Variants in DOCK2 observed in about 807,000 individuals in gnomAD.
DOCK2 encodes dedicator of cytokinesis 2, also known as dedicator of cytokinesis protein 2.
A neutral mutation model predicts 248.9 loss-of-function variants in DOCK2; 87 were observed. The ratio of observed to expected loss-of-function variants is 0.35; its 90% CI spans 0.29 to 0.42. The LOEUF (loss-of-function observed/expected upper bound fraction) is 0.42. Ranked by LOEUF, DOCK2 falls within the 10% of genes least tolerant of loss-of-function variation. The probability of loss-of-function intolerance (pLI) is 1.00; values close to 1 mark genes in which losing one functional copy is unlikely to be tolerated. For synonymous variants in DOCK2, 805 were observed against 821.6 expected, an observed-to-expected ratio of 0.98 and a Z score of 0.35; for missense variants, 1,747 against 2,300.2, an observed-to-expected ratio of 0.76 and a Z score of 4.92.
chr5:169,958,585 C>CTTT (rs3079788), intron 27 of DOCK2, among the ~76,000 whole-genome samples: 351 of 151,074 alleles, frequency 2.3e-3, no homozygotes, highest in African/African-American at 6.6e-3. Context: ...TCCTGGGTTT[C>CTTT]TTTTTTTTTG....
rs1346725866 is a variant in DOCK2 at position 170,083,242 on chromosome 5, T to G, written c.*384T>G. 1 of 169,412 alleles carries G rather than the reference T, an allele frequency of 5.9e-6. No individual in the cohort carries two copies. The allele number at this position is 169,412 out of a possible 1,614,324, so 10.5% of individuals were successfully genotyped here. A position where few individuals can be genotyped will look rare whatever the true frequency, so the allele number is the denominator to read the frequency against. On this transcript the variant is annotated 3_prime_UTR_variant, in exon 52 of 52. Transcript: ENST00000520908. ...AACAGAAAAGGAAGCCTTTTAAATA[T>G]TCTTTTTAATTTTATTTTAGATTAA...
chr5:169,977,561 G>A (rs183781559), intron 27 of DOCK2, among the ~76,000 whole-genome samples: 2 of 152,178 alleles, frequency 1.3e-5, no homozygotes, highest in African/African-American at 4.8e-5. Flanking sequence ...ACAAGACCCT[G>A]CTCGAGGTCA....
In DOCK2 at chr5:169,648,864, C is replaced by T. The variant is rs763429721; in HGVS notation, c.44-5539C>T. On this transcript the variant is annotated intron_variant, in intron 1 of 51. Transcript: ENST00000520908. ...TCTCCTGGTGGGTGGAGGAACACCT[C>T]CTCCTTCTAGGTTCCCTCTGGCTGT... Among the ~76,000 whole-genome samples, 255 of 152,288 alleles carry T rather than the reference C, an allele frequency of 1.7e-3. 2 individuals are homozygous for T. Among genetic ancestry groups the T allele is most frequent in the Non-Finnish European group, 3.1e-3 (213 of 68,026 alleles).
intron 9 of DOCK2, among the ~76,000 whole-genome samples, chr5:169,693,353 T>G (rs1033830042): frequency 1.3e-5 from 2 of 152,148 alleles, no homozygotes; most frequent in Non-Finnish European, 2.9e-5. Context: ...CCTACTTATA[T>G]TCAGAGAGTC....
chr5:169,876,545 G>T (rs1772345759), intron 27 of DOCK2, among the ~76,000 whole-genome samples: 1 of 152,166 alleles, frequency 6.6e-6, no homozygotes, highest in African/African-American at 2.4e-5. Flanking sequence ...ATGTCTGATG[G>T]CCTGGAAGAA....
chr5:169,917,782 C>G (rs1385749884), intron 27 of DOCK2, among the ~76,000 whole-genome samples: 1 of 152,154 alleles, frequency 6.6e-6, no homozygotes, highest in South Asian at 2.1e-4. Context: ...CCCTACCACA[C>G]AGAAAATGAT....
At position 169,660,973 on chromosome 5, in the gene DOCK2, CAA is replaced by C. The variant is rs67420015; in HGVS notation, c.127+6496_127+6497del. Among the ~76,000 whole-genome samples, 655 of 147,580 alleles carry C rather than the reference CAA, an allele frequency of 4.4e-3. 6 individuals are homozygous for C. The highest frequency in any genetic ancestry group is 0.014 in the African/African-American group (569 of 40,110). ...GAAATATGTTGAAATGACTTTAGTG[CAA>C]AAAAAAAATGATATTATAAATCCAT... On this transcript the variant is annotated intron_variant, in intron 2 of 51. Coordinates refer to ENST00000520908, the MANE Select transcript of DOCK2 (RefSeq NM_004946.3).
chr5:169,706,155 C>T (rs1761252128), intron 14 of DOCK2, among the ~76,000 whole-genome samples: 1 of 152,182 alleles, frequency 6.6e-6, no homozygotes. Context: ...ACTTTTTTCT[C>T]CAGCCTTAGG....
chr5:169,689,099 CT>C (rs1250634038), intron 8 of DOCK2, among the ~76,000 whole-genome samples, 152 bp from the exon 9 acceptor site: 1 of 152,150 alleles, frequency 6.6e-6, no homozygotes, highest in African/African-American at 2.4e-5. Flanking sequence ...CAACTGTGAT[CT>C]CTCGGAGGGA....
intron 29 of DOCK2, among the ~76,000 whole-genome samples, chr5:169,990,132 T>A (rs1329751698): frequency 6.6e-6 from 1 of 151,992 alleles, no homozygotes; most frequent in Non-Finnish European, 1.5e-5. Flanking sequence ...AGAGTCTCAC[T>A]CTGTCGCCCA....
At chr5:169,873,453 T>C (rs928353192) in intron 27 of DOCK2, among the ~76,000 whole-genome samples, 4 of 152,202 alleles carry the variant, frequency 2.6e-5, no homozygotes, top group African/African-American at 9.6e-5. Context: ...TCAGTCCATA[T>C]TGGAATTTGA....
intron 9 of DOCK2, among the ~76,000 whole-genome samples, chr5:169,693,618 T>G (rs1760433406): frequency 6.6e-6 from 1 of 152,154 alleles, no homozygotes; most frequent in Admixed American, 6.5e-5. Flanking sequence ...GGATCTCAAA[T>G]TCAAATGCCT....
At chr5:169,849,041 C>CA in intron 27 of DOCK2, among the ~76,000 whole-genome samples, 1 of 152,250 alleles carries the variant, frequency 6.6e-6, no homozygotes, top group East Asian at 1.9e-4. Flanking sequence ...CAACTCCTCC[C>CA]AACCCCAGTC....
chr5:169,643,424 C>T (rs1386131869), intron 1 of DOCK2, among the ~76,000 whole-genome samples: 5 of 19,336 alleles, frequency 2.6e-4, no homozygotes, highest in South Asian at 2.1e-3. Flanking sequence ...TGGGGCGGGG[C>T]GGGAGGGATG....
chr5:170,070,121 G>A (rs2113870135), intron 46 of DOCK2, among the ~76,000 whole-genome samples: 1 of 152,342 alleles, frequency 6.6e-6, no homozygotes, highest in Non-Finnish European at 1.5e-5. Flanking sequence ...CGCCCACTCT[G>A]GGCTCTCAGC....
rs752518304 is a variant in DOCK2 at position 170,081,832 on chromosome 5, C to T, written c.5288-10C>T. The T allele has an allele frequency of 3.1e-6, 5 of 1,606,464 alleles. No homozygotes were observed. Among genetic ancestry groups the T allele is most frequent in the South Asian group, 1.1e-5 (1 of 90,506 alleles). On this transcript the variant is annotated splice_polypyrimidine_tract_variant and intron_variant, in intron 50 of 51. Transcript: ENST00000520908. ...CACCCATTCACACCCCAGCTCTGCT[C>T]TCCTTCCAGCCCTGGCGCTCTCAGT...
At chr5:169,809,613 G>A (rs1490336234) in intron 26 of DOCK2, among the ~76,000 whole-genome samples, 2 of 152,128 alleles carry the variant, frequency 1.3e-5, no homozygotes, top group Admixed American at 6.5e-5. Flanking sequence ...GAGGCTTTGA[G>A]TGTGGAAGCT....
rs570038099 is a variant in DOCK2 at position 170,016,389 on chromosome 5, T to A, written c.3233-2571T>A. ...TGTGTTCTGCGTGCATGTGTATGCA[T>A]CTATGTATGTAAAGATATGCAAACA... On this transcript the variant is annotated intron_variant, in intron 32 of 51. Coordinates refer to ENST00000520908, the MANE Select transcript of DOCK2 (RefSeq NM_004946.3). Among the ~76,000 whole-genome samples the A allele has an allele frequency of 4.6e-4, 70 of 152,356 alleles. 1 individual carries two copies. The highest frequency in any genetic ancestry group is 1.6e-3 in the African/African-American group (66 of 41,576).
In DOCK2 at chr5:170,081,889, A is replaced by T. The variant is rs2270898; in HGVS notation, c.5335A>T (p.Thr1779Ser). The T allele has an allele frequency of 3.2e-4, 515 of 1,613,764 alleles. 6 individuals carry two copies. In the East Asian group the frequency reaches 0.011, roughly 35 times the overall value. The change falls in exon 51 of 52, where the codon ACA becomes TCA. Residue 1779 changes from threonine (T) to serine (S), a missense_variant. By Grantham distance (58) the Thr-to-Ser change is moderately conservative. Coordinates refer to ENST00000520908, the MANE Select transcript of DOCK2 (RefSeq NM_004946.3). ...CATCCCTGGGTTGGATGAGGCCAAC[A>T]CATCTCCCCGCCTCAGCCAGACCTT... ...AGIPGLDEAN[T>S]SPRLSQTFLQ... is the part of the protein sequence containing the mutation.
Sources: gnomAD v4.1 joint callset for allele counts (sites outside exome capture counted in the v4.1 genomes callset) on GRCh38, gnomAD v4.1.1 for gene constraint, MANE v1.5 for transcripts, NCBI Gene and HGNC (gene_info 2026-07-23, HGNC 2026-07-21) for gene names.